The following GNAL variants were observed in gnomAD, a reference collection of about 807,000 sequenced individuals.
GNAL encodes the protein G protein subunit alpha L.
Under a neutral mutation model 55.1 loss-of-function variants are expected in GNAL, and 18 were observed. That is an observed-to-expected ratio of 0.33 (90% confidence interval 0.23 to 0.48). The LOEUF is 0.48. Among genes scored for constraint, GNAL ranks in the 20% least tolerant of loss-of-function variants. The pLI is 0.99. For synonymous variants in GNAL, 253 were observed against 237.0 expected, an observed-to-expected ratio of 1.07 and a Z score of -0.62; for missense variants, 412 against 614.1, an observed-to-expected ratio of 0.67 and a Z score of 3.48.
chr18:11,796,587 A>AC (rs1568031421), intron 4 of GNAL, among the ~76,000 whole-genome samples: 23 of 149,408 alleles, frequency 1.5e-4, no homozygotes, highest in African/African-American at 5.7e-4. Flanking sequence ...AAAAAAAAAA[A>AC]AAAAAAAACA....
rs547743261 is a variant in GNAL, at chr18:11,871,751, C to T, written c.1032-517C>T. Among the ~76,000 whole-genome samples, 20 of 152,304 alleles carry T rather than the reference C, an allele frequency of 1.3e-4. 1 individual carries two copies. The highest frequency in any genetic ancestry group is 1.3e-3 in the Admixed American group (20 of 15,300). On this transcript the variant is annotated intron_variant, in intron 9 of 11. Transcript: ENST00000334049. ...TCCGACCTTTTATTGGTAAATTACA[C>T]CACAGAAATTCAAGTGAACTCATTA...
At chr18:11,786,726 C>T (rs1269711869) in intron 4 of GNAL, among the ~76,000 whole-genome samples, 2 of 151,282 alleles carry the variant, frequency 1.3e-5, no homozygotes, top group Non-Finnish European at 2.9e-5. Flanking sequence ...GCTGGGATTA[C>T]AGACGTGAGC....
At chr18:11,694,628 C>T (rs1598397775) in intron 1 of GNAL, among the ~76,000 whole-genome samples, 3 of 152,062 alleles carry the variant, frequency 2.0e-5, no homozygotes, top group East Asian at 1.9e-4. Context: ...GGGGAGCTCA[C>T]GGGCTTGGGG....
At chr18:11,805,198 CAATTTGAGTGGAA>C (rs1343838701) in intron 4 of GNAL, among the ~76,000 whole-genome samples, 2 of 138,384 alleles carry the variant, frequency 1.4e-5, no homozygotes, top group East Asian at 4.4e-4. Context: ...AGTACAGGTG[CAATTTGAGTGGAA>C]CATGGAGATA....
chr18:11,705,533 A>G (rs1285991497), intron 1 of GNAL, among the ~76,000 whole-genome samples: 1 of 152,136 alleles, frequency 6.6e-6, no homozygotes, highest in Non-Finnish European at 1.5e-5. Context: ...GGAATTTCCT[A>G]CTGTTTTCCA....
At chr18:11,727,224 C>T (rs770462003) in intron 1 of GNAL, among the ~76,000 whole-genome samples, 2 of 152,208 alleles carry the variant, frequency 1.3e-5, no homozygotes, top group Admixed American at 1.3e-4. Flanking sequence ...CCCTCTCTGC[C>T]AGCTTCTCTG....
intron 5 of GNAL, among the ~76,000 whole-genome samples, chr18:11,834,242 T>A (rs2035451911): frequency 6.6e-6 from 1 of 152,076 alleles, no homozygotes; most frequent in Admixed American, 6.5e-5. Context: ...GACGGTTGAG[T>A]TTTTCGCTGG....
At chr18:11,781,438 A>G (rs1184903922) in intron 4 of GNAL, among the ~76,000 whole-genome samples, 1 of 152,054 alleles carries the variant, frequency 6.6e-6, no homozygotes, top group Admixed American at 6.6e-5. Context: ...CCTCCCATAC[A>G]CCCCCACAGC....
chr18:11,759,845 C>T (rs921318497), intron 4 of GNAL, among the ~76,000 whole-genome samples: 6 of 152,188 alleles, frequency 3.9e-5, no homozygotes, highest in African/African-American at 1.4e-4. Context: ...CTCTCCAAGC[C>T]TGTGTCTATC....
Position 11,817,001 on chromosome 18 carries a change from C to T in GNAL, c.625-7917C>T, listed in dbSNP as rs967791476. Reference sequence around the variant, plus strand: ...GTGGTTGGGGCCTGGGGTGGTGGCACGGCTTGGCTCCAAAGGAGGATGAGG... The same window carrying T: ...GTGGTTGGGGCCTGGGGTGGTGGCATGGCTTGGCTCCAAAGGAGGATGAGG... On this transcript the variant is annotated intron_variant, in intron 4 of 11. Transcript: ENST00000334049. 1.7e-4 allele frequency among the ~76,000 whole-genome samples: 26 copies of T among 151,896 alleles called. 1 individual carries two copies. Among genetic ancestry groups the T allele is most frequent in the Admixed American group, 1.6e-3 (24 of 15,238 alleles).
intron 1 of GNAL, among the ~76,000 whole-genome samples, chr18:11,731,474 T>A (rs146311037): frequency 2.1e-3 from 316 of 152,342 alleles, no homozygotes; most frequent in African/African-American, 7.2e-3. Flanking sequence ...AAGGTTTTTC[T>A]GAGGTTACCC....
chr18:11,885,069 C>T lies in GNAL; in HGVS notation c.*3934C>T. ...CTAGAAATACATGTGTCCAGGTCGT[C>T]TCCATGGGCTTTTCTTTGCAGATAC... On this transcript the variant is annotated 3_prime_UTR_variant, in exon 12 of 12. Transcript: ENST00000334049. The T allele has an allele frequency of 7.8e-7, 1 of 1,282,456 alleles. No homozygotes were observed. The highest frequency in any genetic ancestry group is 1.0e-6 in the Non-Finnish European group (1 of 987,148). The allele number at this position is 1,282,456 out of a possible 1,614,324, so 79.4% of individuals were successfully genotyped here. A position where few individuals can be genotyped will look rare whatever the true frequency, so the allele number is the denominator to read the frequency against.
At chr18:11,803,523 T>G (rs1176971639) in intron 4 of GNAL, among the ~76,000 whole-genome samples, 1 of 152,254 alleles carries the variant, frequency 6.6e-6, no homozygotes, top group Non-Finnish European at 1.5e-5. Flanking sequence ...GTTACCAGTT[T>G]TTATATATTA....
intron 1 of GNAL, among the ~76,000 whole-genome samples, chr18:11,721,889 A>AAAAT (rs145268603): frequency 0.056 from 8,201 of 145,856 alleles, 320 homozygotes; most frequent in African/African-American, 0.1. Flanking sequence ...TCTGTCTCAA[A>AAAAT]AAATAAATAA....
chr18:11,791,448 G>A (rs112521907), intron 4 of GNAL, among the ~76,000 whole-genome samples: 16 of 152,300 alleles, frequency 1.1e-4, no homozygotes, highest in African/African-American at 3.4e-4. Context: ...CTAAACAGAA[G>A]GTTGATTATC....
At chr18:11,717,137 C>T (rs1049166130) in intron 1 of GNAL, among the ~76,000 whole-genome samples, 5 of 152,246 alleles carry the variant, frequency 3.3e-5, no homozygotes, top group Admixed American at 1.3e-4. Flanking sequence ...ACAGCAGCTG[C>T]TGGCCCAGGT....
At chr18:11,753,437 A>G in intron 2 of GNAL, 191 bp from the exon 3 acceptor site, 1 of 539,096 alleles carries the variant, frequency 1.9e-6, no homozygotes, top group South Asian at 3.1e-5. Flanking sequence ...GTTTGTTTAG[A>G]GTACAAATTA....
chr18:11,745,333 T>C lies in GNAL; in HGVS notation c.377-7520T>C, dbSNP rs111350889. On this transcript the variant is annotated intron_variant, in intron 1 of 11. Transcript: ENST00000334049. The stretch of plus-strand genomic sequence containing the variant: ...GAAACAAATTTCCTTCTTACTGCTA[T>C]TGGGGACTTAAGCTCAGCTAACCAG... Among the ~76,000 whole-genome samples, 864 of 152,312 alleles carry C rather than the reference T, an allele frequency of 5.7e-3. 6 individuals carry two copies. Among genetic ancestry groups the C allele is most frequent in the African/African-American group, 0.02 (811 of 41,566 alleles).
intron 4 of GNAL, among the ~76,000 whole-genome samples, chr18:11,796,866 A>G (rs1043983130): frequency 5.3e-5 from 8 of 152,124 alleles, no homozygotes; most frequent in Admixed American, 2.0e-4. Context: ...TAATGTAGTC[A>G]TTTAATTTTT....
Sources: allele counts gnomAD v4.1 joint callset (sites outside exome capture counted in the v4.1 genomes callset), GRCh38; gene constraint gnomAD v4.1.1; transcripts MANE v1.5; gene names NCBI Gene and HGNC (gene_info 2026-07-23, HGNC 2026-07-21).